The following CCDC138 variants were observed in gnomAD, a reference collection of about 807,000 sequenced individuals.
CCDC138 encodes the protein coiled-coil domain containing 138.
Under a neutral mutation model 82.3 loss-of-function variants are expected in CCDC138, and 66 were observed. The observed-to-expected ratio is 0.80, with a 90% CI of 0.66 to 0.98. The LOEUF is 0.98. Ranked by LOEUF, CCDC138 falls within the 50% of genes least tolerant of loss-of-function variation. The pLI is 0.00. For synonymous variants in CCDC138, 297 were observed against 265.4 expected, an observed-to-expected ratio of 1.12 and a Z score of -1.16; for missense variants, 816 against 758.9, an observed-to-expected ratio of 1.08 and a Z score of -0.88.
At chr2:108,821,613 A>G (rs1391407046) in intron 10 of CCDC138, among the ~76,000 whole-genome samples, 1 of 152,190 alleles carries the variant, frequency 6.6e-6, no homozygotes, top group East Asian at 1.9e-4. Flanking sequence ...CAAAAAAGCT[A>G]CAAAACATAC....
chr2:108,803,515 G>A (rs1163094890), intron 6 of CCDC138, among the ~76,000 whole-genome samples: 1 of 152,130 alleles, frequency 6.6e-6, no homozygotes, highest in East Asian at 1.9e-4. Context: ...ATGCACAGAC[G>A]TCATCATAGC....
Position 108,857,864 on chromosome 2 carries a change from GAAAT to G in CCDC138, c.1693+895_1693+898del, listed in dbSNP as rs1692880621. Among the ~76,000 whole-genome samples the G allele has an allele frequency of 2.0e-5, 3 of 152,180 alleles. No homozygotes were observed. The South Asian group carries it at 6.2e-4, about 32-fold the overall frequency. ...GATGCAAATGTGTATTCATTAGAAA[GAAAT>G]CTTTCTGAATATGACAGAGATGGCA... On this transcript the variant is annotated intron_variant, in intron 13 of 14. Transcript: ENST00000295124.
At chr2:108,811,751 AACCCCT>A (rs1683905539) in intron 7 of CCDC138, among the ~76,000 whole-genome samples, 1 of 152,076 alleles carries the variant, frequency 6.6e-6, no homozygotes. Context: ...GTTAATTTTC[AACCCCT>A]ACCCCTCTCC....
At chr2:108,793,840 G>T (rs1280798663) in intron 4 of CCDC138, among the ~76,000 whole-genome samples, 2 of 151,604 alleles carry the variant, frequency 1.3e-5, no homozygotes, top group African/African-American at 4.8e-5. Context: ...CTGACCTCAT[G>T]ATCCGCCCGC....
At chr2:108,847,035 T>C (rs1690626243) in intron 12 of CCDC138, 105 bp downstream of exon 12, 1 of 689,940 alleles carries the variant, frequency 1.4e-6, no homozygotes, top group East Asian at 2.7e-5. Flanking sequence ...CAGAATGAGG[T>C]TTTGAATTGT....
intron 12 of CCDC138, among the ~76,000 whole-genome samples, chr2:108,855,392 C>A (rs1224756621): frequency 6.6e-6 from 1 of 151,724 alleles, no homozygotes; most frequent in Non-Finnish European, 1.5e-5. Flanking sequence ...TAATGTGTGT[C>A]AAATACAGTA....
chr2:108,880,749 A>G (rs953210250), downstream of CCDC138, among the ~76,000 whole-genome samples: 1 of 152,172 alleles, frequency 6.6e-6, no homozygotes, highest in Non-Finnish European at 1.5e-5. Context: ...TACTGCTCAG[A>G]TAAAAAAAAG....
chr2:108,813,248 C>CAAAAAA (rs371435296), intron 9 of CCDC138, among the ~76,000 whole-genome samples: 27 of 63,552 alleles, frequency 4.2e-4, no homozygotes, highest in East Asian at 1.5e-3. Context: ...GACTCCGTCT[C>CAAAAAA]AAAAAAAAAA....
At chr2:108,868,909 A>G (rs997894505) in intron 13 of CCDC138, among the ~76,000 whole-genome samples, 2 of 151,832 alleles carry the variant, frequency 1.3e-5, no homozygotes, top group African/African-American at 4.9e-5. Context: ...GTGAAAGAAA[A>G]AAATGAAATT....
At chr2:108,849,033 G>A (rs537890820) in intron 12 of CCDC138, among the ~76,000 whole-genome samples, 2 of 152,136 alleles carry the variant, frequency 1.3e-5, no homozygotes, top group South Asian at 4.2e-4. Flanking sequence ...GGAAGATACG[G>A]GATAAAAAGA....
At chr2:108,787,591 T>C (rs922466945) in intron 1 of CCDC138, among the ~76,000 whole-genome samples, 1 of 152,228 alleles carries the variant, frequency 6.6e-6, no homozygotes, top group Admixed American at 6.5e-5. Flanking sequence ...TAAAACCTTT[T>C]ATAGGAAAAT....
At chr2:108,820,010 CAAAT>C (rs1478996904) in intron 10 of CCDC138, among the ~76,000 whole-genome samples, 1 of 152,082 alleles carries the variant, frequency 6.6e-6, no homozygotes, top group Non-Finnish European at 1.5e-5. Context: ...AAGAAAGAAC[CAAAT>C]AAATTCTGGA....
downstream of CCDC138, among the ~76,000 whole-genome samples, chr2:108,880,201 AAAC>A (rs1277291165): frequency 1.2e-4 from 10 of 85,968 alleles, no homozygotes; most frequent in African/African-American, 3.9e-4. Context: ...TAAAAAAAAA[AAAC>A]AACAACAAAC....
chr2:108,790,175 C>T (rs1679674169), intron 3 of CCDC138, among the ~76,000 whole-genome samples: 1 of 152,066 alleles, frequency 6.6e-6, no homozygotes, highest in Admixed American at 6.6e-5. Context: ...TTTCATGTTG[C>T]ACTCACAAAA....
chr2:108,836,573 T>TG (rs1333801903), intron 10 of CCDC138, among the ~76,000 whole-genome samples: 2 of 152,250 alleles, frequency 1.3e-5, no homozygotes, highest in African/African-American at 4.8e-5. Context: ...TTTGAAGAAT[T>TG]GCTTTACTGT....
chr2:108,846,969 C>A, intron 12 of CCDC138, 39 bp downstream of exon 12: 1 of 1,122,058 alleles, frequency 8.9e-7, no homozygotes, highest in Non-Finnish European at 1.3e-6. Flanking sequence ...TTTTGAGAAA[C>A]AATAGAGAAT....
At chr2:108,797,768 A>C (rs765666374) in intron 5 of CCDC138, among the ~76,000 whole-genome samples, 1 of 152,202 alleles carries the variant, frequency 6.6e-6, no homozygotes, top group Non-Finnish European at 1.5e-5. Flanking sequence ...AGACCAGGCT[A>C]TTCACAAAGA....
intron 6 of CCDC138, among the ~76,000 whole-genome samples, chr2:108,803,704 A>G (rs1682373035): frequency 6.6e-6 from 1 of 152,184 alleles, no homozygotes. Context: ...TTTACCCTTG[A>G]GGGTTGCTTC....
At chr2:108,807,860 C>T (rs561854829) in intron 7 of CCDC138, among the ~76,000 whole-genome samples, 5 of 152,210 alleles carry the variant, frequency 3.3e-5, no homozygotes, top group South Asian at 4.1e-4. Context: ...CCACCTGCCT[C>T]GGCCTCCCGA....
Sources: allele counts gnomAD v4.1 joint callset (sites outside exome capture counted in the v4.1 genomes callset), GRCh38; gene constraint gnomAD v4.1.1; transcripts MANE v1.5; gene names NCBI Gene and HGNC (gene_info 2026-07-23, HGNC 2026-07-21).